ASPM: variants seen among roughly 807,000 people sequenced by gnomAD.
ASPM encodes the protein abnormal spindle-like microcephaly-associated protein.
ASPM carries 256 observed loss-of-function variants against 366.4 expected under a neutral mutation model. The observed-to-expected ratio is 0.70, with a 90% CI of 0.63 to 0.77. ASPM has a LOEUF of 0.77. ASPM is among the 30% of genes least tolerant of loss of function. The probability of loss-of-function intolerance (pLI) is 0.00; values close to 1 mark genes in which losing one functional copy is unlikely to be tolerated. For missense variants in ASPM, 4,146 were observed against 4,090.4 expected (o/e 1.01, Z -0.37); for synonymous variants, 1,414 against 1,342.9 (o/e 1.05, Z -1.16).
At chr1:197,126,982 T>C (rs932730325) in intron 10 of ASPM, among the ~76,000 whole-genome samples, 10 of 152,306 alleles carry the variant, frequency 6.6e-5, no homozygotes, top group South Asian at 2.1e-4. Context: ...GAAATTTTCA[T>C]TGTTCATGCA....
chr1:197,093,087 G>T lies in ASPM; in HGVS notation c.9259C>A (p.Gln3087Lys), dbSNP rs541141292. Residue 3087 changes from glutamine (Q) to lysine (K), a missense_variant, in exon 21 of 28, where the codon CAA (glutamine) becomes AAA (lysine). Gln to Lys is a moderately conservative substitution (Grantham distance 53, BLOSUM62 1). Coordinates refer to ENST00000367409, the MANE Select transcript of ASPM (RefSeq NM_018136.5). ...IEFKKSTVIL[Q>K]ALVRGWLVRK... is the part of the protein sequence containing the mutation. ...ACTAGCCAACCACGCACCAGTGCTT[G>T]TAGGATAACTGTAGATTTTTTAAAT... The T allele has an allele frequency of 3.7e-6, 6 of 1,611,778 alleles. No individual in the cohort carries two copies. The highest frequency in any genetic ancestry group is 1.3e-5 in the African/African-American group (1 of 74,948).
intron 16 of ASPM, among the ~76,000 whole-genome samples, chr1:197,118,206 A>G (rs924481363): frequency 2.0e-5 from 3 of 152,140 alleles, no homozygotes; most frequent in Non-Finnish European, 4.4e-5. Flanking sequence ...AAGATTCCTA[A>G]GAAATAGTCT....
At chr1:197,109,823 A>C (rs1305385171) in intron 17 of ASPM, among the ~76,000 whole-genome samples, 1 of 152,042 alleles carries the variant, frequency 6.6e-6, no homozygotes, top group Non-Finnish European at 1.5e-5. Flanking sequence ...ATAAAAAAGA[A>C]ACAAATGGGA....
rs771261912 is a variant in ASPM at position 197,142,405 on chromosome 1, T to C, written c.1847A>G (p.Lys616Arg). The C allele has an allele frequency of 6.2e-7, 1 of 1,613,814 alleles. No individual in the cohort carries two copies. The highest frequency in any genetic ancestry group is 1.1e-5 in the South Asian group (1 of 91,080). ...GATGGGTGTTGTCACATTTTTTGTT[T>C]TCTTAACAGCTGATGTTTTAGGCTC... Reference protein sequence around the residue: ...PSEPKTSAVKKTKNVTTPISK... With the variant: ...PSEPKTSAVKRTKNVTTPISK... Residue 616 changes from lysine (K) to arginine (R), a missense_variant, in exon 3 of 28, where the codon AAA becomes AGA. Lys to Arg is a conservative substitution (Grantham distance 26). Coordinates refer to ENST00000367409, the MANE Select transcript of ASPM (RefSeq NM_018136.5).
At position 197,122,256 on chromosome 1, in the gene ASPM, T is replaced by A; in HGVS notation, c.3644A>T (p.Lys1215Ile). ...LYKELLENEKKNFHLVRSAVR... is the reference protein window; with the variant it reads ...LYKELLENEKINFHLVRSAVR... ...TGCAGACCTAACCAAGTGAAAATTT[T>A]TCTTTTCATTTTCTAGGAGCTCTTT... Residue 1215 changes from lysine (K) to isoleucine (I), a missense_variant, in exon 15 of 28, where the codon AAA becomes ATA. Physicochemically the swap from Lys to Ile is moderately radical, Grantham distance 102. Transcript: ENST00000367409. 6.2e-7 allele frequency: 1 copy of A among 1,613,440 alleles called. No individual in the cohort carries two copies. Among genetic ancestry groups the A allele is most frequent in the Non-Finnish European group, 8.5e-7 (1 of 1,179,472 alleles).
chr1:197,118,355 T>C (rs190876944), intron 16 of ASPM, among the ~76,000 whole-genome samples: 8 of 152,068 alleles, frequency 5.3e-5, no homozygotes, highest in Admixed American at 2.6e-4. Flanking sequence ...GGGAGGATTG[T>C]ATGAAAAAAA....
Position 197,102,933 on chromosome 1 carries a change from A to G in ASPM, c.6318T>C (p.Gly2106=). The G allele has an allele frequency of 6.2e-7, 1 of 1,612,416 alleles. No homozygotes were observed. Among genetic ancestry groups the G allele is most frequent in the South Asian group, 1.1e-5 (1 of 91,056 alleles). ...TAIKIQSVYR[G]IRVRRHIQHM... The stretch of plus-strand genomic sequence containing the variant: ...GTTGAATATGTCTTCTAACTCTAAT[A>G]CCTCTATAAACAGATTGGATTTTAA... The change falls in exon 18 of 28, where the codon GGT becomes GGC. Residue 2106 remains glycine, a synonymous_variant. Transcript: ENST00000367409.
At chr1:197,089,771 C>A (rs1429246020) in intron 25 of ASPM, among the ~76,000 whole-genome samples, 159 bp downstream of exon 25, 1 of 151,886 alleles carries the variant, frequency 6.6e-6, no homozygotes, top group South Asian at 2.1e-4. Context: ...GTACTTAAAT[C>A]TACATTTATG....
intron 17 of ASPM, among the ~76,000 whole-genome samples, chr1:197,108,874 G>A (rs1192651522): frequency 6.6e-6 from 1 of 151,352 alleles, no homozygotes; most frequent in Non-Finnish European, 1.5e-5. Context: ...GGGAGGCTGA[G>A]GTGGGATGAT....
At chr1:197,113,399 T>C (rs553030665) in intron 17 of ASPM, among the ~76,000 whole-genome samples, 1 of 152,218 alleles carries the variant, frequency 6.6e-6, no homozygotes, top group Non-Finnish European at 1.5e-5. Flanking sequence ...ATATAATGTA[T>C]ACTGAAGGTA....
chr1:197,107,042 A>G (rs968114792), intron 17 of ASPM, among the ~76,000 whole-genome samples: 1 of 152,068 alleles, frequency 6.6e-6, no homozygotes, highest in African/African-American at 2.4e-5. Flanking sequence ...AGTCATGGAA[A>G]GAATGCAGTA....
intron 17 of ASPM, among the ~76,000 whole-genome samples, chr1:197,106,491 G>A (rs1164507966): frequency 6.6e-6 from 1 of 151,920 alleles, no homozygotes; most frequent in Non-Finnish European, 1.5e-5. Flanking sequence ...ATATTTCTAT[G>A]TAAAATCCTC....
chr1:197,130,105 C>A, intron 7 of ASPM, 49 bp from the exon 8 acceptor site: 1 of 1,586,566 alleles, frequency 6.3e-7, no homozygotes, highest in Non-Finnish European at 8.6e-7. Flanking sequence ...CTCTAAGAAA[C>A]AAAGGGAAGT....
chr1:197,105,052 A>T lies in ASPM; in HGVS notation c.4199T>A (p.Ile1400Asn). The T allele has an allele frequency of 6.2e-7, 1 of 1,610,430 alleles. No individual in the cohort carries two copies. The highest frequency in any genetic ancestry group is 8.5e-7 in the Non-Finnish European group (1 of 1,177,784). ...YKRYLWATVT[I>N]QRHWRAYLRR... Reference sequence around the variant, plus strand: ...TAAATAAGCACGCCAATGCCTCTGAATTGTAACTGTAGCCCAAAGATATCG... The same window carrying T: ...TAAATAAGCACGCCAATGCCTCTGATTTGTAACTGTAGCCCAAAGATATCG... Residue 1400 changes from isoleucine to asparagine, a missense_variant, in exon 18 of 28, where the codon ATT becomes AAT. Physicochemically the swap from Ile to Asn is moderately radical, Grantham distance 149. Transcript: ENST00000367409.
At chr1:197,085,857 T>C (rs1212951242) in intron 27 of ASPM, among the ~76,000 whole-genome samples, 3 of 152,122 alleles carry the variant, frequency 2.0e-5, no homozygotes, top group Non-Finnish European at 4.4e-5. Flanking sequence ...TCAAAACGAA[T>C]TGAATTGCAT....
At chr1:197,137,206 T>G (rs995466666) in intron 4 of ASPM, among the ~76,000 whole-genome samples, 1 of 152,236 alleles carries the variant, frequency 6.6e-6, no homozygotes, top group Non-Finnish European at 1.5e-5. Context: ...GAAGTCACAT[T>G]AATTATTTTT....
chr1:197,125,292 C>T, intron 10 of ASPM, 101 bp from the exon 11 acceptor site: 1 of 1,398,384 alleles, frequency 7.2e-7, no homozygotes, highest in Non-Finnish European at 1.0e-6. Flanking sequence ...CCAACAGTTA[C>T]AGGGCTTTAT....
chr1:197,089,491 A>G (rs1472143538), intron 25 of ASPM, among the ~76,000 whole-genome samples: 3 of 152,062 alleles, frequency 2.0e-5, no homozygotes, highest in African/African-American at 7.2e-5. Context: ...CTAAAGGCAG[A>G]CAGAAATGAA....
chr1:197,129,383 GATA>G (rs773589707), intron 8 of ASPM, 66 bp from the exon 9 acceptor site: 404 of 1,503,464 alleles, frequency 2.7e-4, no homozygotes, highest in East Asian at 3.3e-4. Context: ...CTTAAAATAT[GATA>G]ATAATAATAA....
Sources: allele counts gnomAD v4.1 joint callset (sites outside exome capture counted in the v4.1 genomes callset), GRCh38; gene constraint gnomAD v4.1.1; transcripts MANE v1.5; gene names NCBI Gene and HGNC (gene_info 2026-07-23, HGNC 2026-07-21).